Variants in AGTPBP1 observed in about 807,000 individuals in gnomAD.
AGTPBP1 encodes the protein cytosolic carboxypeptidase 1.
AGTPBP1 carries 70 observed loss-of-function variants against 143.9 expected under a neutral mutation model. The observed-to-expected ratio is 0.49, with a 90% CI of 0.40 to 0.59. The LOEUF (loss-of-function observed/expected upper bound fraction) is 0.59, where lower values mean the gene tolerates loss of function less well. Ranked by LOEUF, AGTPBP1 falls within the 20% of genes least tolerant of loss-of-function variation. AGTPBP1 has a pLI of 0.00. For missense variants in AGTPBP1, 1,229 were observed against 1,464.5 expected (o/e 0.84, Z 2.62); for synonymous variants, 463 against 500.2 (o/e 0.93, Z 0.99).
intron 11 of AGTPBP1, among the ~76,000 whole-genome samples, chr9:85,648,522 AG>A (rs201719447): frequency 0.017 from 2,580 of 152,324 alleles, 39 homozygotes; most frequent in African/African-American, 0.038. Context: ...GAAAAAAGAA[AG>A]GGATTGAATT....
chr9:85,596,442 T>C lies in AGTPBP1; in HGVS notation c.2343A>G (p.Gln781=), dbSNP rs1196061888. 4 of 1,588,436 alleles carry C rather than the reference T, an allele frequency of 2.5e-6. No individual in the cohort carries two copies. The African/African-American group carries it at 4.0e-5, about 16-fold the overall frequency. Residue 781 remains glutamine, a synonymous_variant, in exon 18 of 26, where the codon CAA becomes CAG. Transcript: ENST00000357081. ...KSNSQFNYGM[Q]PLMYSVQEAL... is the part of the protein sequence containing the mutation. ...CTTCCTGAACCGAATACATGAGTGG[T>C]TGCATACCTTTGAAAGAGAGAAAAA...
chr9:85,577,298 A>G (rs761943973), intron 24 of AGTPBP1, among the ~76,000 whole-genome samples: 11 of 152,220 alleles, frequency 7.2e-5, no homozygotes, highest in African/African-American at 1.2e-4. Context: ...GCCTAACTGC[A>G]TAAGTCATCT....
chr9:85,718,490 T>A (rs555813888), intron 1 of AGTPBP1, among the ~76,000 whole-genome samples: 7 of 152,238 alleles, frequency 4.6e-5, no homozygotes, highest in African/African-American at 1.7e-4. Flanking sequence ...TATGTTCATA[T>A]CCTTTGCCCA....
chr9:85,693,402 A>C lies in AGTPBP1; in HGVS notation c.33-589T>G, dbSNP rs1297999483. 4.6e-5 allele frequency among the ~76,000 whole-genome samples: 7 copies of C among 152,214 alleles called. No individual in the cohort carries two copies. In the East Asian group the frequency reaches 1.3e-3, roughly 29 times the overall value. ...GATCACTTGAGGTCAGTTTGAGACC[A>C]GCCTGGCCAACATGGTGAAACCCAT... On this transcript the variant is annotated intron_variant, in intron 2 of 25. Transcript: ENST00000357081.
At chr9:85,637,094 T>TGCAATG (rs1371678051) in intron 13 of AGTPBP1, among the ~76,000 whole-genome samples, 2 of 148,320 alleles carry the variant, frequency 1.3e-5, no homozygotes, top group African/African-American at 5.0e-5. Context: ...CAGGCTGGAG[T>TGCAATG]GCAATGGCAT....
the AGTPBP1 span, among the ~76,000 whole-genome samples, chr9:85,761,396 A>C: frequency 6.6e-6 from 1 of 152,216 alleles, no homozygotes; most frequent in East Asian, 1.9e-4. Flanking sequence ...ACAGTAACCA[A>C]AACAGCATGG....
chr9:85,680,879 A>G (rs1835125249), intron 4 of AGTPBP1, among the ~76,000 whole-genome samples: 1 of 152,234 alleles, frequency 6.6e-6, no homozygotes, highest in South Asian at 2.1e-4. Flanking sequence ...AATGTATATC[A>G]GCTAAAACAA....
At chr9:85,798,815 T>G in the AGTPBP1 span, among the ~76,000 whole-genome samples, 1 of 152,158 alleles carries the variant, frequency 6.6e-6, no homozygotes, top group Non-Finnish European at 1.5e-5. Flanking sequence ...TCCCAGCTAC[T>G]TGGGAGGCTG....
At chr9:85,782,081 G>C in the AGTPBP1 span, among the ~76,000 whole-genome samples, 190 of 152,292 alleles carry the variant, frequency 1.2e-3, no homozygotes, top group African/African-American at 4.4e-3. Context: ...TTTATGAAAA[G>C]TTGACTTTAA....
intron 12 of AGTPBP1, among the ~76,000 whole-genome samples, chr9:85,643,637 A>C (rs1020402894): frequency 1.3e-5 from 2 of 152,190 alleles, no homozygotes; most frequent in African/African-American, 4.8e-5. Context: ...GTGGAACAAG[A>C]GCCAGAAATG....
chr9:85,781,347 G>A, the AGTPBP1 span: 2 of 1,562,114 alleles, frequency 1.3e-6, no homozygotes, highest in South Asian at 1.2e-5. Flanking sequence ...CAATTCGGCG[G>A]CAACTAGCAT....
chr9:85,696,287 C>T (rs1324532238), intron 2 of AGTPBP1, among the ~76,000 whole-genome samples: 3 of 152,186 alleles, frequency 2.0e-5, no homozygotes, highest in East Asian at 1.9e-4. Flanking sequence ...ACCATAATGA[C>T]CTTGACAGTG....
At chr9:85,599,398 T>C (rs1357056232) in intron 17 of AGTPBP1, among the ~76,000 whole-genome samples, 1 of 152,212 alleles carries the variant, frequency 6.6e-6, no homozygotes, top group African/African-American at 2.4e-5. Context: ...TACCATTTTA[T>C]TTTTATTGGT....
chr9:85,580,672 C>G (rs1828200179), intron 23 of AGTPBP1, among the ~76,000 whole-genome samples: 1 of 152,134 alleles, frequency 6.6e-6, no homozygotes, highest in Non-Finnish European at 1.5e-5. Flanking sequence ...TACTATCGTT[C>G]ACGGTATTTG....
At chr9:85,704,064 G>A (rs979849007) in intron 2 of AGTPBP1, among the ~76,000 whole-genome samples, 1 of 152,156 alleles carries the variant, frequency 6.6e-6, no homozygotes, top group Non-Finnish European at 1.5e-5. Context: ...ACTAAAGGTG[G>A]CCTTGGGCTT....
At chr9:85,729,061 A>T (rs1838708314) in intron 1 of AGTPBP1, among the ~76,000 whole-genome samples, 1 of 152,254 alleles carries the variant, frequency 6.6e-6, no homozygotes, top group Non-Finnish European at 1.5e-5. Context: ...AAAGACAGAC[A>T]TACAGACCAA....
At chr9:85,795,174 G>A in the AGTPBP1 span, among the ~76,000 whole-genome samples, 1 of 152,074 alleles carries the variant, frequency 6.6e-6, no homozygotes, top group African/African-American at 2.4e-5. Context: ...GGTTAAGGGT[G>A]GTATGAGCAC....
the AGTPBP1 span, among the ~76,000 whole-genome samples, chr9:85,777,620 G>A: frequency 6.6e-6 from 1 of 152,182 alleles, no homozygotes; most frequent in Non-Finnish European, 1.5e-5. Context: ...ATCCTCCTCT[G>A]CTGAGGTCAT....
intron 1 of AGTPBP1, among the ~76,000 whole-genome samples, chr9:85,715,022 G>A (rs866404407): frequency 7.9e-5 from 12 of 152,006 alleles, no homozygotes; most frequent in African/African-American, 2.7e-4. Context: ...CAAGGCGGGC[G>A]GATGACCCGA....
Sources: gnomAD v4.1 joint callset for allele counts (sites outside exome capture counted in the v4.1 genomes callset) on GRCh38, gnomAD v4.1.1 for gene constraint, MANE v1.5 for transcripts, NCBI Gene and HGNC (gene_info 2026-07-23, HGNC 2026-07-21) for gene names.